CCSER1: variants seen among roughly 807,000 people sequenced by gnomAD.
CCSER1 encodes coiled-coil serine rich protein 1, also known as serine-rich coiled-coil domain-containing protein 1.
CCSER1 carries 41 observed loss-of-function variants against 82.0 expected under a neutral mutation model. That is an observed-to-expected ratio of 0.50 (90% CI 0.39 to 0.65). The LOEUF is 0.65. Among genes scored for constraint, CCSER1 ranks in the 30% least tolerant of loss-of-function variants. The pLI is 0.00. For synonymous variants in CCSER1, 414 were observed against 383.9 expected, an observed-to-expected ratio of 1.08 and a Z score of -0.92; for missense variants, 1,119 against 1,064.2, an observed-to-expected ratio of 1.05 and a Z score of -0.72.
At chr4:91,505,506 T>C (rs896262914) in intron 10 of CCSER1, among the ~76,000 whole-genome samples, 11 of 152,244 alleles carry the variant, frequency 7.2e-5, no homozygotes, top group African/African-American at 2.7e-4. Context: ...TCTAGTTCTT[T>C]GAGGAATTAC....
At chr4:90,952,323 C>T (rs910817696) in intron 9 of CCSER1, among the ~76,000 whole-genome samples, 1 of 152,022 alleles carries the variant, frequency 6.6e-6, no homozygotes, top group Admixed American at 6.6e-5. Flanking sequence ...CCCCAGTGAA[C>T]ACTGAGCAAT....
chr4:90,478,925 T>C (rs913621400), intron 5 of CCSER1, among the ~76,000 whole-genome samples: 8 of 151,704 alleles, frequency 5.3e-5, no homozygotes, highest in African/African-American at 1.9e-4. Context: ...ATTTTTAGTA[T>C]AGACGAGGTT....
intron 9 of CCSER1, among the ~76,000 whole-genome samples, chr4:90,971,531 G>A (rs1348101020): frequency 6.6e-6 from 1 of 151,918 alleles, no homozygotes; most frequent in Non-Finnish European, 1.5e-5. Flanking sequence ...AAGCCTTTCA[G>A]CAAAGAAAAG....
At chr4:90,654,422 AAATTCT>A (rs1170035178) in intron 6 of CCSER1, among the ~76,000 whole-genome samples, 1 of 152,112 alleles carries the variant, frequency 6.6e-6, no homozygotes, top group African/African-American at 2.4e-5. Flanking sequence ...TTTACATACT[AAATTCT>A]AATTCTTATA....
chr4:90,795,318 T>C (rs1223180199), intron 7 of CCSER1, among the ~76,000 whole-genome samples: 1 of 147,986 alleles, frequency 6.8e-6, no homozygotes, highest in Non-Finnish European at 1.5e-5. Flanking sequence ...AACAAAGAAA[T>C]GTTCGTGATT....
At chr4:90,467,324 T>A (rs1157787497) in intron 4 of CCSER1, among the ~76,000 whole-genome samples, 1 of 151,052 alleles carries the variant, frequency 6.6e-6, no homozygotes, top group Non-Finnish European at 1.5e-5. Context: ...GCAGAGGTTG[T>A]GTTGAGCTGA....
chr4:91,252,099 A>T (rs757848078), intron 10 of CCSER1, among the ~76,000 whole-genome samples: 1 of 152,192 alleles, frequency 6.6e-6, no homozygotes, highest in Non-Finnish European at 1.5e-5. Context: ...TTTATTACAT[A>T]TGTGGGATCT....
chr4:90,405,311 A>C (rs1413343257), intron 4 of CCSER1, among the ~76,000 whole-genome samples: 1 of 152,102 alleles, frequency 6.6e-6, no homozygotes, highest in Non-Finnish European at 1.5e-5. Flanking sequence ...ATTAAAGACA[A>C]AGAAAAAATA....
At chr4:91,266,330 G>T (rs1183235293) in intron 10 of CCSER1, among the ~76,000 whole-genome samples, 2 of 151,808 alleles carry the variant, frequency 1.3e-5, no homozygotes, top group Non-Finnish European at 2.9e-5. Flanking sequence ...TCGGCTCACT[G>T]CAAGCTCCGC....
chr4:90,498,398 C>T (rs769331088), intron 5 of CCSER1, among the ~76,000 whole-genome samples: 3 of 152,010 alleles, frequency 2.0e-5, no homozygotes, highest in Non-Finnish European at 4.4e-5. Flanking sequence ...GAAAGCAAAA[C>T]AAAAGATAAG....
At chr4:90,891,251 A>G (rs551130014) in intron 8 of CCSER1, among the ~76,000 whole-genome samples, 55 of 151,844 alleles carry the variant, frequency 3.6e-4, no homozygotes, top group Non-Finnish European at 7.1e-4. Context: ...ATAGTATACT[A>G]AGAGTAAGGT....
At chr4:90,469,524 A>AAT (rs1355308348) in intron 5 of CCSER1, among the ~76,000 whole-genome samples, 1 of 136,340 alleles carries the variant, frequency 7.3e-6, no homozygotes, top group African/African-American at 2.7e-5. Context: ...TTTCCTGCAA[A>AAT]ACACACACAC....
chr4:90,533,349 C>T (rs1422791720), intron 5 of CCSER1, among the ~76,000 whole-genome samples: 2 of 152,112 alleles, frequency 1.3e-5, no homozygotes, highest in African/African-American at 4.8e-5. Context: ...CCCGCCTTGG[C>T]CTCCCAAAGT....
At chr4:91,508,316 T>C (rs1759635512) in intron 10 of CCSER1, among the ~76,000 whole-genome samples, 1 of 74,616 alleles carries the variant, frequency 1.3e-5, no homozygotes, top group Non-Finnish European at 3.2e-5. Context: ...TATAAAAACA[T>C]GGTGGCGCAT....
chr4:90,362,788 T>C (rs1194103339), intron 3 of CCSER1, among the ~76,000 whole-genome samples: 1 of 152,162 alleles, frequency 6.6e-6, no homozygotes, highest in Non-Finnish European at 1.5e-5. Context: ...AAAGGTATCA[T>C]TCCATGGGCT....
At position 90,702,401 on chromosome 4, in the gene CCSER1, G is replaced by A. The variant is rs190726396; in HGVS notation, c.1933-21513G>A. Among the ~76,000 whole-genome samples the A allele has an allele frequency of 4.9e-4, 75 of 152,096 alleles. 1 individual carries two copies. In the East Asian group the frequency reaches 0.011, roughly 23 times the overall value. On this transcript the variant is annotated intron_variant, in intron 6 of 10. Coordinates refer to ENST00000509176, the MANE Select transcript of CCSER1 (RefSeq NM_001145065.2). ...GTATTTTATTGAGGATTTTTTCATC[G>A]ATGTTCATCAGGGATATTGGTCTAA... is the stretch of plus-strand genomic sequence containing the variant.
chr4:91,502,580 A>C (rs1370972249), intron 10 of CCSER1, among the ~76,000 whole-genome samples: 11 of 152,160 alleles, frequency 7.2e-5, no homozygotes. Flanking sequence ...GATGAAGTTG[A>C]AGCACTAAAA....
chr4:90,201,842 G>A (rs1442066591), intron 1 of CCSER1, among the ~76,000 whole-genome samples: 1 of 151,836 alleles, frequency 6.6e-6, no homozygotes, highest in Admixed American at 6.6e-5. Context: ...TAGTAAGGAG[G>A]AATGCCAGAT....
intron 10 of CCSER1, among the ~76,000 whole-genome samples, chr4:91,188,148 C>T (rs571140437): frequency 5.3e-5 from 8 of 152,006 alleles, no homozygotes; most frequent in Non-Finnish European, 1.2e-4. Flanking sequence ...TAGCTACCAG[C>T]TAGGGTAAAC....
Sources: gnomAD v4.1 joint callset for allele counts (sites outside exome capture counted in the v4.1 genomes callset) on GRCh38, gnomAD v4.1.1 for gene constraint, MANE v1.5 for transcripts, NCBI Gene and HGNC (gene_info 2026-07-23, HGNC 2026-07-21) for gene names.